NTRK3: variants seen among roughly 807,000 people sequenced by gnomAD.
NTRK3 encodes the protein neurotrophic receptor tyrosine kinase 3.
A neutral mutation model predicts 91.7 loss-of-function variants in NTRK3; 24 were observed. The ratio of observed to expected loss-of-function variants is 0.26; its 90% CI spans 0.19 to 0.37. NTRK3 has a LOEUF of 0.37. Ranked by LOEUF, NTRK3 falls within the 10% of genes least tolerant of loss-of-function variation. NTRK3 has a pLI of 1.00. For missense variants in NTRK3, 880 were observed against 1,068.9 expected (o/e 0.82, Z 2.46); for synonymous variants, 483 against 404.0 (o/e 1.20, Z -2.34).
At chr15:88,149,935 G>A (rs1284465886) in intron 5 of NTRK3, among the ~76,000 whole-genome samples, 1 of 152,210 alleles carries the variant, frequency 6.6e-6, no homozygotes, top group African/African-American at 2.4e-5. Flanking sequence ...CAGCATCACG[G>A]CAGCAAAAGC....
intron 13 of NTRK3, among the ~76,000 whole-genome samples, chr15:88,121,801 C>T (rs1278228936): frequency 6.6e-6 from 1 of 152,214 alleles, no homozygotes; most frequent in Non-Finnish European, 1.5e-5. Flanking sequence ...ACAAATCACC[C>T]CTGCCACTCT....
At chr15:88,194,081 G>A (rs2047623504) in intron 3 of NTRK3, among the ~76,000 whole-genome samples, 1 of 152,162 alleles carries the variant, frequency 6.6e-6, no homozygotes, top group Non-Finnish European at 1.5e-5. Context: ...TTCAATCTCT[G>A]GGTAGCATTT....
chr15:88,114,469 A>G lies in NTRK3; in HGVS notation c.1396+11802T>C, dbSNP rs2051811640. On this transcript the variant is annotated intron_variant, in intron 13 of 18. Transcript: ENST00000394480. ...GAGAAACTGCTTGGAGTCTTTTCTC[A>G]CTTGGAAATATATTGTAAACATGTT... Among the ~76,000 whole-genome samples, 4 of 152,198 alleles carry G rather than the reference A, an allele frequency of 2.6e-5. No homozygotes were observed. In the South Asian group the frequency reaches 8.3e-4, roughly 32 times the overall value.
At chr15:87,897,864 G>T (rs1458132443) in intron 17 of NTRK3, among the ~76,000 whole-genome samples, 1 of 152,088 alleles carries the variant, frequency 6.6e-6, no homozygotes, top group Non-Finnish European at 1.5e-5. Flanking sequence ...AGGAAATAGA[G>T]GATCCAAAAG....
intron 5 of NTRK3, among the ~76,000 whole-genome samples, chr15:88,173,552 C>T (rs1597754405): frequency 6.6e-6 from 1 of 152,256 alleles, no homozygotes; most frequent in East Asian, 1.9e-4. Flanking sequence ...CTGTTAATGG[C>T]CCTCCCCAGT....
intron 3 of NTRK3, among the ~76,000 whole-genome samples, chr15:88,208,174 G>A (rs144823630): frequency 1.3e-5 from 2 of 152,078 alleles, no homozygotes; most frequent in African/African-American, 2.4e-5. Flanking sequence ...CATCCCCAAG[G>A]CCTCCCAAAC....
intron 13 of NTRK3, among the ~76,000 whole-genome samples, chr15:88,054,902 T>C (rs997642520): frequency 1.3e-5 from 2 of 152,176 alleles, no homozygotes; most frequent in Non-Finnish European, 2.9e-5. Flanking sequence ...GTACTCTTAA[T>C]ATCACCATTT....
chr15:88,224,383 G>A (rs1465414104), intron 3 of NTRK3, among the ~76,000 whole-genome samples: 1 of 152,188 alleles, frequency 6.6e-6, no homozygotes, highest in East Asian at 1.9e-4. Context: ...ATGCCCAGCA[G>A]GTGCAGACAA....
At chr15:87,983,465 G>A (rs1370346547) in intron 14 of NTRK3, among the ~76,000 whole-genome samples, 1 of 152,230 alleles carries the variant, frequency 6.6e-6, no homozygotes, top group African/African-American at 2.4e-5. Context: ...CGTACCATCA[G>A]ACATGTTGCT....
intron 3 of NTRK3, among the ~76,000 whole-genome samples, chr15:88,210,825 G>A (rs1406487526): frequency 6.6e-6 from 1 of 152,160 alleles, no homozygotes; most frequent in Admixed American, 6.5e-5. Context: ...CAGAGAGCGG[G>A]CTCCTGGGAC....
chr15:87,866,712 C>A (rs1035332064), exon 19 of NTRK3: 27 of 190,078 alleles, frequency 1.4e-4, no homozygotes, highest in African/African-American at 6.3e-4. Flanking sequence ...CTCTTTGTTT[C>A]TAGAAAGGAA....
intron 5 of NTRK3, among the ~76,000 whole-genome samples, chr15:88,153,065 T>C (rs1402932529): frequency 6.6e-6 from 1 of 152,128 alleles, no homozygotes; most frequent in African/African-American, 2.4e-5. Flanking sequence ...CAGAAAACAA[T>C]GAATGTCCAA....
chr15:87,944,867 T>C (rs1567136726), intron 14 of NTRK3, among the ~76,000 whole-genome samples: 2 of 152,250 alleles, frequency 1.3e-5, no homozygotes, highest in Admixed American at 6.5e-5. Flanking sequence ...GCCGTTTCAC[T>C]TCTGACGTCC....
chr15:88,015,742 T>C (rs1003544643), intron 14 of NTRK3, among the ~76,000 whole-genome samples: 1 of 152,170 alleles, frequency 6.6e-6, no homozygotes, highest in African/African-American at 2.4e-5. Context: ...TGCAGCATAG[T>C]AGTTGCTCCA....
At chr15:88,041,927 C>A (rs1192300856) in intron 13 of NTRK3, among the ~76,000 whole-genome samples, 6 of 149,582 alleles carry the variant, frequency 4.0e-5, no homozygotes, top group African/African-American at 1.5e-4. Flanking sequence ...GAGCTCAAAT[C>A]TTCAATCTTC....
At chr15:87,999,633 G>C (rs543774060) in intron 14 of NTRK3, among the ~76,000 whole-genome samples, 2 of 152,270 alleles carry the variant, frequency 1.3e-5, no homozygotes, top group East Asian at 3.9e-4. Context: ...ATCACAAAAA[G>C]CTGCTGTGGA....
At chr15:88,135,461 C>G in intron 9 of NTRK3, 64 bp from the exon 10 acceptor site, 8 of 1,556,696 alleles carry the variant, frequency 5.1e-6, no homozygotes, top group Admixed American at 1.8e-5. Flanking sequence ...CAGTAGCCTT[C>G]CAGCAACTAA....
At chr15:88,097,395 G>A (rs944089464) in intron 13 of NTRK3, among the ~76,000 whole-genome samples, 6 of 152,148 alleles carry the variant, frequency 3.9e-5, no homozygotes, top group Admixed American at 2.6e-4. Flanking sequence ...TGACAGGAAC[G>A]CACTGATAAG....
chr15:88,037,912 C>T (rs1212444129), intron 13 of NTRK3, among the ~76,000 whole-genome samples: 2 of 152,146 alleles, frequency 1.3e-5, no homozygotes, highest in Admixed American at 6.5e-5. Flanking sequence ...AGTGACCTGC[C>T]CAAGGACAGA....
Sources: gnomAD v4.1 joint callset for allele counts (sites outside exome capture counted in the v4.1 genomes callset) on GRCh38, gnomAD v4.1.1 for gene constraint, MANE v1.5 for transcripts, NCBI Gene and HGNC (gene_info 2026-07-23, HGNC 2026-07-21) for gene names.